The following CGN variants were observed in gnomAD, a reference collection of about 807,000 sequenced individuals.
CGN encodes cingulin.
CGN carries 121 observed loss-of-function variants against 157.1 expected under a neutral mutation model. The ratio of observed to expected loss-of-function variants is 0.77; its 90% CI spans 0.66 to 0.90. The LOEUF (loss-of-function observed/expected upper bound fraction) is 0.90, where lower values mean the gene tolerates loss of function less well. CGN is among the 40% of genes least tolerant of loss of function. CGN has a pLI of 0.00. For missense variants in CGN, 1,424 were observed against 1,520.9 expected, an observed-to-expected ratio of 0.94 and a Z score of 1.06; for synonymous variants, 535 against 607.5, an observed-to-expected ratio of 0.88 and a Z score of 1.76.
Position 151,535,085 on chromosome 1 carries a change from A to G in CGN, c.2948A>G (p.Asn983Ser). The change falls in exon 16 of 21, where the codon AAC (asparagine) becomes AGC (serine). Residue 983 changes from asparagine (N) to serine (S), a missense_variant. By Grantham distance (46) the Asn-to-Ser change is conservative. This residue lies in a region of CGN where 199 missense variants were observed against 272.2 expected (regional missense o/e 0.73). Coordinates refer to ENST00000271636, the MANE Select transcript of CGN (RefSeq NM_020770.3). ...GAAACAGAGTTAGATGAGGAGAAGA[A>G]CACCGTGGAGCTGCTAACAGATCGG... ...RLETELDEEKNTVELLTDRVN... is the reference protein window; with the variant it reads ...RLETELDEEKSTVELLTDRVN... 3 of 1,614,128 alleles carry G rather than the reference A, an allele frequency of 1.9e-6. No homozygotes were observed. The highest frequency in any genetic ancestry group is 2.5e-6 in the Non-Finnish European group (3 of 1,180,012).
chr1:151,520,634 G>C lies in CGN; in HGVS notation c.1083G>C (p.Gln361His). The C allele has an allele frequency of 6.2e-7, 1 of 1,614,186 alleles. No individual in the cohort carries two copies. Residue 361 changes from glutamine (Q) to histidine (H), a missense_variant, in exon 5 of 21, where the codon CAG (glutamine) becomes CAC (histidine). Gln to His is a conservative substitution (Grantham distance 24). Coordinates refer to ENST00000271636, the MANE Select transcript of CGN (RefSeq NM_020770.3). Reference sequence around the variant, plus strand: ...GTTCTACTAAGGCCGTGGCAGGGCAGGGTGAGCTTACCCGAAAAGTGGAGG... The same window carrying C: ...GTTCTACTAAGGCCGTGGCAGGGCACGGTGAGCTTACCCGAAAAGTGGAGG... The part of the protein sequence containing the change: ...SSGSTKAVAG[Q>H]GELTRKVEEL...
At chr1:151,517,271 A>G (rs1664436995) in intron 1 of CGN, among the ~76,000 whole-genome samples, 1 of 152,202 alleles carries the variant, frequency 6.6e-6, no homozygotes. Context: ...CTTCCAGAGA[A>G]TAGAAACTCT....
At position 151,518,743 on chromosome 1, in the gene CGN, G is replaced by A. The variant is rs1206283574; in HGVS notation, c.224G>A (p.Gly75Asp). Reference sequence around the variant, plus strand: ...GTGCTCAACAGTGGGGAGAAAGGCGGTGACTCCTTTGGGGTCCAAATCAAG... The same window carrying A: ...GTGCTCAACAGTGGGGAGAAAGGCGATGACTCCTTTGGGGTCCAAATCAAG... ...FVVLNSGEKG[G>D]DSFGVQIKGA... Residue 75 changes from glycine to aspartate, a missense_variant, in exon 2 of 21, where the codon GGT becomes GAT. Physicochemically the swap from Gly to Asp is moderately conservative, Grantham distance 94. Coordinates refer to ENST00000271636, the MANE Select transcript of CGN (RefSeq NM_020770.3). The A allele has an allele frequency of 1.9e-6, 3 of 1,614,170 alleles. No homozygotes were observed. Among genetic ancestry groups the A allele is most frequent in the East Asian group, 2.2e-5 (1 of 44,878 alleles).
chr1:151,513,708 T>C (rs1664350588), intron 1 of CGN, among the ~76,000 whole-genome samples: 1 of 152,188 alleles, frequency 6.6e-6, no homozygotes, highest in Non-Finnish European at 1.5e-5. Context: ...CAGATGCATA[T>C]GGCTGGGCCA....
chr1:151,530,079 G>A lies in CGN; in HGVS notation c.2277G>A (p.Val759=), dbSNP rs746372597. Residue 759 remains valine, a synonymous_variant, in exon 12 of 21, where the codon GTG becomes GTA. Coordinates refer to ENST00000271636, the MANE Select transcript of CGN (RefSeq NM_020770.3). ...TRGLVDGGEA[V]EARLRDKLQR... ...GTCTGGTGGATGGTGGGGAAGCGGT[G>A]GAGGCACGACTACGGGACAAGCTGC... is the stretch of plus-strand genomic sequence containing the variant. 25 of 1,613,860 alleles carry A rather than the reference G, an allele frequency of 1.5e-5. No individual in the cohort carries two copies. In the East Asian group the frequency reaches 5.6e-4, roughly 36 times the overall value.
chr1:151,532,483 CG>C lies in CGN; in HGVS notation c.2656del (p.Glu886ArgfsTer23). 6.2e-7 allele frequency: 1 copy of C among 1,609,586 alleles called. No homozygotes were observed. Reference protein sequence around the residue: ...QLEDYKEKARREVADAQRQAK... With the variant: ...QLEDYKEKARXEVADAQRQAK... ...GGAGGATTATAAGGAAAAGGCCCGG[CG>C]GGAGGTGGCAGATGCCCAGCGCCAG... On this transcript the variant is annotated frameshift_variant, in exon 14 of 21. Transcript: ENST00000271636. LOFTEE classifies it high-confidence loss of function.
chr1:151,518,401 C>A, intron 1 of CGN, 105 bp from the exon 2 acceptor site: 1 of 938,070 alleles, frequency 1.1e-6, no homozygotes, highest in Non-Finnish European at 1.6e-6. Flanking sequence ...GTCTGAGAAT[C>A]AGTGGTTTAT....
chr1:151,527,494 A>G (rs1447769162), intron 10 of CGN, among the ~76,000 whole-genome samples: 1 of 152,214 alleles, frequency 6.6e-6, no homozygotes, highest in Non-Finnish European at 1.5e-5. Context: ...ATTTATGAAA[A>G]AATGTTTACC....
At chr1:151,520,544 G>A in intron 4 of CGN, 52 bp from the exon 5 acceptor site, 9 of 1,611,646 alleles carry the variant, frequency 5.6e-6, no homozygotes, top group Non-Finnish European at 7.6e-6. Context: ...GGCCTCAGGG[G>A]ATCCAGACTT....
chr1:151,520,829 A>G, intron 5 of CGN, 138 bp downstream of exon 5: 1 of 724,892 alleles, frequency 1.4e-6, no homozygotes, highest in Non-Finnish European at 2.3e-6. Context: ...AAGAATGTGT[A>G]CTAATTCCAG....
At position 151,535,591 on chromosome 1, in the gene CGN, C is replaced by T; in HGVS notation, c.2995-9C>T. 1 of 1,611,638 alleles carries T rather than the reference C, an allele frequency of 6.2e-7. No homozygotes were observed. Among genetic ancestry groups the T allele is most frequent in the South Asian group, 1.1e-5 (1 of 91,020 alleles). ...CCCCAAGTCTGGTCCTCTCACCCAT[C>T]CCCACTAGGTGGATCAGCTGAGGAC... On this transcript the variant is annotated splice_polypyrimidine_tract_variant and intron_variant, in intron 16 of 20. Transcript: ENST00000271636.
chr1:151,534,194 G>T, intron 15 of CGN, 58 bp downstream of exon 15: 1 of 1,479,234 alleles, frequency 6.8e-7, no homozygotes, highest in Admixed American at 2.4e-5. Context: ...GCCTCTTTCT[G>T]TACTAGCGGT....
rs546651845 is a variant in CGN, at chr1:151,535,204, A to G, written c.2994+73A>G. The G allele has an allele frequency of 4.4e-4, 496 of 1,131,820 alleles. 1 individual carries two copies. The African/African-American group carries it at 6.6e-3, about 15-fold the overall frequency. The allele number at this position is 1,131,820 out of a possible 1,614,324, so 70.1% of individuals were successfully genotyped here. A position where few individuals can be genotyped will look rare whatever the true frequency, so the allele number is the denominator to read the frequency against. On this transcript the variant is annotated intron_variant, in intron 16 of 20. Coordinates refer to ENST00000271636, the MANE Select transcript of CGN (RefSeq NM_020770.3). ...TCTTGGTTCTCTCAAAAACAACTCT[A>G]CCCTCCCATCTTTCATCATCTGGCT...
chr1:151,528,536 CT>C (rs543266213), intron 10 of CGN, among the ~76,000 whole-genome samples: 12 of 151,954 alleles, frequency 7.9e-5, no homozygotes, highest in Non-Finnish European at 1.3e-4. Context: ...CCTGCCTCAG[CT>C]TCCCAAGCAG....
chr1:151,534,949 T>TA, intron 15 of CGN, 93 bp from the exon 16 acceptor site: 1 of 859,330 alleles, frequency 1.2e-6, no homozygotes, highest in East Asian at 2.5e-5. Flanking sequence ...GAGAGAAAAG[T>TA]CTGTTAATGC....
chr1:151,530,875 T>A (rs1161869166), intron 13 of CGN, 129 bp downstream of exon 13: 2 of 950,542 alleles, frequency 2.1e-6, no homozygotes, highest in East Asian at 2.7e-5. Context: ...GTGCGGTGAC[T>A]CACTCCTGTA....
At chr1:151,529,281 C>A in intron 10 of CGN, 69 bp from the exon 11 acceptor site, 1 of 1,349,276 alleles carries the variant, frequency 7.4e-7, no homozygotes, top group Non-Finnish European at 1.1e-6. Context: ...ATGAGAGTTT[C>A]AGCTTCTCCA....
chr1:151,522,018 C>T (rs578223599), intron 5 of CGN, among the ~76,000 whole-genome samples: 1 of 152,110 alleles, frequency 6.6e-6, no homozygotes, highest in Non-Finnish European at 1.5e-5. Flanking sequence ...TGGCTTACGC[C>T]TATAATCCCA....
Position 151,535,146 on chromosome 1 carries a change from C to G in CGN, c.2994+15C>G. ...GCCGGGACCAGGTAACCGCCCCCAC[C>G]CCTCATCTCTGTTTACCCCTGACTG... On this transcript the variant is annotated intron_variant, in intron 16 of 20. Transcript: ENST00000271636. 1 of 1,599,156 alleles carries G rather than the reference C, an allele frequency of 6.3e-7. No individual in the cohort carries two copies.
Sources: gnomAD v4.1 joint callset for allele counts (sites outside exome capture counted in the v4.1 genomes callset) on GRCh38, gnomAD v4.1.1 for gene constraint, gnomAD v4.1.1 regional missense constraint, MANE v1.5 for transcripts, NCBI Gene and HGNC (gene_info 2026-07-23, HGNC 2026-07-21) for gene names.